The following PSD3 variants were observed in gnomAD, a reference collection of about 807,000 sequenced individuals.
The protein encoded by PSD3 is PH and SEC7 domain-containing protein 3.
A neutral mutation model predicts 105.5 loss-of-function variants in PSD3; 49 were observed. The observed-to-expected ratio is 0.46, with a 90% confidence interval of 0.37 to 0.59. The LOEUF (loss-of-function observed/expected upper bound fraction) is 0.59, where lower values mean the gene tolerates loss of function less well. Ranked by LOEUF, PSD3 falls within the 20% of genes least tolerant of loss-of-function variation. PSD3 has a pLI of 0.00. For synonymous variants in PSD3, 557 were observed against 457.8 expected (o/e 1.22, Z -2.77); for missense variants, 1,561 against 1,263.8 (o/e 1.24, Z -3.57).
intron 11 of PSD3, among the ~76,000 whole-genome samples, chr8:18,615,441 C>T (rs1805588763): frequency 6.6e-6 from 1 of 152,116 alleles, no homozygotes; most frequent in African/African-American, 2.4e-5. Context: ...CAAGTATGCG[C>T]TCACCATTGT....
intron 4 of PSD3, among the ~76,000 whole-genome samples, chr8:18,841,166 G>A (rs930975012): frequency 6.6e-6 from 1 of 152,198 alleles, no homozygotes; most frequent in Non-Finnish European, 1.5e-5. Context: ...TCAGGCCTAA[G>A]GCAGCTAGGT....
At chr8:18,719,392 A>G (rs376734608) in intron 9 of PSD3, among the ~76,000 whole-genome samples, 20 of 152,324 alleles carry the variant, frequency 1.3e-4, no homozygotes, top group African/African-American at 4.3e-4. Context: ...ACTCCAGAGA[A>G]AAAGAATTTT....
At position 18,963,669 on chromosome 8, in the gene PSD3, G is replaced by C. The variant is rs562974677; in HGVS notation, c.22-27527C>G. The stretch of plus-strand genomic sequence containing the variant: ...CGCTAGCTGGGAGAAAATAAGAAAT[G>C]GGGGGAGAGAATGAATGGCCAACAG... On this transcript the variant is annotated intron_variant, in intron 1 of 15. Transcript: ENST00000327040. 2.0e-3 allele frequency among the ~76,000 whole-genome samples: 298 copies of C among 152,228 alleles called. 1 individual carries two copies. The highest frequency in any genetic ancestry group is 3.4e-3 in the Middle Eastern group (1 of 294).
At chr8:18,903,627 G>C (rs142793945) in intron 2 of PSD3, among the ~76,000 whole-genome samples, 3 of 152,252 alleles carry the variant, frequency 2.0e-5, no homozygotes, top group African/African-American at 7.2e-5. Flanking sequence ...TGTCAGTTCA[G>C]CCCAGGGATG....
At chr8:19,073,372 G>A (rs757463007) in intron 1 of PSD3, among the ~76,000 whole-genome samples, 8 of 151,798 alleles carry the variant, frequency 5.3e-5, no homozygotes, top group Non-Finnish European at 8.8e-5. Flanking sequence ...CCAAAATGGA[G>A]AAAGCCCATC....
At chr8:18,639,248 T>A (rs559822201) in intron 10 of PSD3, among the ~76,000 whole-genome samples, 2 of 151,698 alleles carry the variant, frequency 1.3e-5, no homozygotes, top group African/African-American at 2.4e-5. Flanking sequence ...AGTTTTCTAC[T>A]GTTTTAAATG....
At chr8:19,080,490 A>T (rs563188360) in intron 1 of PSD3, among the ~76,000 whole-genome samples, 1 of 152,338 alleles carries the variant, frequency 6.6e-6, no homozygotes, top group East Asian at 1.9e-4. Context: ...CAGAGAATTC[A>T]CACTATTTTT....
At chr8:18,901,741 TG>T (rs2129460863) in intron 2 of PSD3, among the ~76,000 whole-genome samples, 1 of 152,340 alleles carries the variant, frequency 6.6e-6, no homozygotes, top group Admixed American at 6.5e-5. Context: ...TCTCAGTTTT[TG>T]TTTGTCTGGG....
chr8:19,034,321 A>G (rs1827874700), intron 1 of PSD3, among the ~76,000 whole-genome samples: 1 of 152,192 alleles, frequency 6.6e-6, no homozygotes. Context: ...GGATTAAACT[A>G]GACGTCCTTT....
intron 4 of PSD3, among the ~76,000 whole-genome samples, chr8:18,824,550 T>G (rs960753331): frequency 6.6e-6 from 1 of 152,244 alleles, no homozygotes; most frequent in Non-Finnish European, 1.5e-5. Context: ...TTTAAGACTT[T>G]AATGGTTTCT....
At chr8:19,021,991 G>C (rs1396163528) in intron 1 of PSD3, among the ~76,000 whole-genome samples, 1 of 152,198 alleles carries the variant, frequency 6.6e-6, no homozygotes, top group African/African-American at 2.4e-5. Flanking sequence ...TGTATAAGCA[G>C]AGCACCAACA....
At chr8:18,974,447 G>C (rs1406212946) in intron 1 of PSD3, among the ~76,000 whole-genome samples, 1 of 152,082 alleles carries the variant, frequency 6.6e-6, no homozygotes, top group Non-Finnish European at 1.5e-5. Context: ...TGCAGACACT[G>C]CCTTTAAGAG....
chr8:18,847,080 G>A (rs1301423126), intron 4 of PSD3, among the ~76,000 whole-genome samples: 1 of 152,148 alleles, frequency 6.6e-6, no homozygotes, highest in Non-Finnish European at 1.5e-5. Flanking sequence ...CCTCGACACT[G>A]CCTTTCACCT....
chr8:18,605,867 C>T (rs542222722), intron 11 of PSD3, among the ~76,000 whole-genome samples: 1 of 152,262 alleles, frequency 6.6e-6, no homozygotes, highest in East Asian at 1.9e-4. Context: ...TGAAGTGGTG[C>T]TCCCCCTTTA....
intron 10 of PSD3, among the ~76,000 whole-genome samples, chr8:18,645,436 T>C (rs1484856372): frequency 3.3e-5 from 5 of 152,242 alleles, no homozygotes; most frequent in Non-Finnish European, 1.5e-5. Flanking sequence ...TAATGGTCAA[T>C]TTTTCATAAC....
intron 4 of PSD3, among the ~76,000 whole-genome samples, chr8:18,841,159 G>A (rs1814589410): frequency 6.6e-6 from 1 of 152,200 alleles, no homozygotes; most frequent in African/African-American, 2.4e-5. Flanking sequence ...TGACAACTCA[G>A]GCCTAAGGCA....
rs565947430 is a variant in PSD3 at position 19,063,850 on chromosome 8, A to G, written c.324+20356T>C. ...TGAAGCCTTAGATACAGCACAAAAA[A>G]GAAATTCAAGGCCGGGCACAGTGGC... On this transcript the variant is annotated intron_variant, in intron 1 of 1. Transcript: ENST00000521475. 2.1e-4 allele frequency among the ~76,000 whole-genome samples: 32 copies of G among 152,280 alleles called. No individual in the cohort carries two copies. The South Asian group carries it at 6.4e-3, about 31-fold the overall frequency.
chr8:18,684,061 T>C (rs1458710223), intron 9 of PSD3: 4 of 618,882 alleles, frequency 6.5e-6, no homozygotes, highest in Non-Finnish European at 8.7e-6. Context: ...TGATCCGCGT[T>C]AGCTTAAGAA....
intron 11 of PSD3, among the ~76,000 whole-genome samples, chr8:18,630,222 T>C (rs1391759324): frequency 7.2e-5 from 11 of 152,078 alleles, no homozygotes; most frequent in South Asian, 4.2e-4. Context: ...CACTTAAAAC[T>C]GCCTTGACCA....
Sources: allele counts gnomAD v4.1 joint callset (sites outside exome capture counted in the v4.1 genomes callset), GRCh38; gene constraint gnomAD v4.1.1; transcripts MANE v1.5; gene names NCBI Gene and HGNC (gene_info 2026-07-23, HGNC 2026-07-21).